The following SLC12A5 variants were observed in gnomAD, a reference collection of about 807,000 sequenced individuals.
SLC12A5 encodes the protein solute carrier family 12 member 5.
SLC12A5 carries 18 observed loss-of-function variants against 124.0 expected under a neutral mutation model. The ratio of observed to expected loss-of-function variants is 0.15; its 90% CI spans 0.10 to 0.22. The LOEUF is 0.22. SLC12A5 is among the 10% of genes least tolerant of loss of function. The pLI is 1.00. For missense variants in SLC12A5, 867 were observed against 1,478.7 expected, an observed-to-expected ratio of 0.59 and a Z score of 6.78; for synonymous variants, 589 against 568.0, an observed-to-expected ratio of 1.04 and a Z score of -0.53.
chr20:46,041,320 T>A lies in SLC12A5; in HGVS notation c.855-9T>A, dbSNP rs2145488945. 6.2e-7 allele frequency: 1 copy of A among 1,613,620 alleles called. No homozygotes were observed. Among genetic ancestry groups the A allele is most frequent in the Non-Finnish European group, 8.5e-7 (1 of 1,179,762 alleles). The stretch of plus-strand genomic sequence containing the variant: ...GCTCCCCACCTTCCTCCCTTGTTTC[T>A]CTCCCTAGGATCTGCCTCCTGGGTA... On this transcript the variant is annotated splice_polypyrimidine_tract_variant and intron_variant, in intron 7 of 25. Coordinates refer to ENST00000243964, the MANE Select transcript of SLC12A5 (RefSeq NM_020708.5).
At position 46,060,132 on chromosome 20, in the gene SLC12A5, ATAAT is replaced by A. The variant is rs1172859957; in HGVS notation, c.*2529_*2532del. On this transcript the variant is annotated 3_prime_UTR_variant, in exon 26 of 26. Coordinates refer to ENST00000243964, the MANE Select transcript of SLC12A5 (RefSeq NM_020708.5). Reference sequence around the variant, plus strand: ...CCCGTCTGCACAAAATGCAATAAAAATAATTTTATTATACCCTTCATGGCCTGAG... The same window carrying A: ...CCCGTCTGCACAAAATGCAATAAAAATTTATTATACCCTTCATGGCCTGAG... 1 of 152,772 alleles carries A rather than the reference ATAAT, an allele frequency of 6.5e-6. No homozygotes were observed. Among genetic ancestry groups the A allele is most frequent in the Admixed American group, 6.5e-5 (1 of 15,290 alleles). The allele number at this position is 152,772 out of a possible 1,614,324, so 9.5% of individuals were successfully genotyped here. A position where few individuals can be genotyped will look rare whatever the true frequency, so the allele number is the denominator to read the frequency against.
At chr20:46,032,665 G>A (rs1194810088) in intron 1 of SLC12A5, among the ~76,000 whole-genome samples, 3 of 152,158 alleles carry the variant, frequency 2.0e-5, no homozygotes, top group South Asian at 2.1e-4. Context: ...TGAAAGTGAC[G>A]ACACAGCCAG....
At chr20:46,036,712 C>T (rs761257819) in intron 4 of SLC12A5, 29 bp from the exon 5 acceptor site, 37 of 1,613,118 alleles carry the variant, frequency 2.3e-5, no homozygotes, top group Non-Finnish European at 3.1e-5. Flanking sequence ...CTACCCCAGC[C>T]ACCGCTCTGA....
At position 46,044,574 on chromosome 20, in the gene SLC12A5, C is replaced by T. The variant is rs554346775; in HGVS notation, c.1395-392C>T. On this transcript the variant is annotated intron_variant, in intron 11 of 25. Coordinates refer to ENST00000243964, the MANE Select transcript of SLC12A5 (RefSeq NM_020708.5). Reference sequence around the variant, plus strand: ...CCAGGGTGGAGGGGAGAAATGTGTGCGCATGCCTGCAGCTGTGAGTGCTCA... The same window carrying T: ...CCAGGGTGGAGGGGAGAAATGTGTGTGCATGCCTGCAGCTGTGAGTGCTCA... Among the ~76,000 whole-genome samples, 52 of 152,242 alleles carry T rather than the reference C, an allele frequency of 3.4e-4. No individual in the cohort carries two copies. In the South Asian group the frequency reaches 5.4e-3, roughly 16 times the overall value.
At position 46,047,963 on chromosome 20, in the gene SLC12A5, C is replaced by T. The variant is rs2084611150; in HGVS notation, c.1908-18C>T. ...TCCTGGCTTTCTGCTCTCATGTGAT[C>T]CACTTCCCGGCTCCCAGGGCAGAGA... On this transcript the variant is annotated intron_variant, in intron 15 of 25. Coordinates refer to ENST00000243964, the MANE Select transcript of SLC12A5 (RefSeq NM_020708.5). 6.3e-7 allele frequency: 1 copy of T among 1,594,392 alleles called. No homozygotes were observed.
At position 46,053,162 on chromosome 20, in the gene SLC12A5, G is replaced by A; in HGVS notation, c.2547+36G>A. 1 of 1,589,532 alleles carries A rather than the reference G, an allele frequency of 6.3e-7. No individual in the cohort carries two copies. Among genetic ancestry groups the A allele is most frequent in the Non-Finnish European group, 8.6e-7 (1 of 1,160,386 alleles). On this transcript the variant is annotated intron_variant, in intron 19 of 25. Coordinates refer to ENST00000243964, the MANE Select transcript of SLC12A5 (RefSeq NM_020708.5). The surrounding 1 kb of genome is among the most constrained non-coding windows in gnomAD (Gnocchi z 4.7). ...TGCGTGAGTGTATGCACGTGTGAGT[G>A]TGTGTATGCATGTATGCATTTGTGT...
intron 2 of SLC12A5, 133 bp from the exon 3 acceptor site, chr20:46,035,271 C>A: frequency 8.2e-7 from 1 of 1,214,362 alleles, no homozygotes; most frequent in Non-Finnish European, 1.2e-6. Context: ...TCACCTGTTC[C>A]TCCTCCTTTC....
chr20:46,046,899 G>C (rs1388312672), intron 14 of SLC12A5, among the ~76,000 whole-genome samples: 1 of 152,248 alleles, frequency 6.6e-6, no homozygotes, highest in Non-Finnish European at 1.5e-5. Context: ...AGAGGCTGTA[G>C]TTCTCTCATC....
intron 1 of SLC12A5, among the ~76,000 whole-genome samples, chr20:46,030,935 G>A (rs991550640): frequency 2.6e-5 from 4 of 151,646 alleles, no homozygotes; most frequent in Non-Finnish European, 5.9e-5. Context: ...TCCAGCATCC[G>A]CCCCCTCCCC....
Position 46,057,164 on chromosome 20 carries a change from C to A in SLC12A5, c.3126-6C>A, listed in dbSNP as rs372120376. The A allele has an allele frequency of 3.9e-5, 63 of 1,613,876 alleles. 1 individual carries two copies. Among genetic ancestry groups the A allele is most frequent in the Non-Finnish European group, 4.7e-5 (56 of 1,179,920 alleles). The stretch of plus-strand genomic sequence containing the variant: ...ACGCGGTCTCCACTCCTCCTTCCTG[C>A]CGCAGGAACCAGTCCAACGTGCGGC... On this transcript the variant is annotated splice_region_variant and splice_polypyrimidine_tract_variant and intron_variant, in intron 24 of 25. Coordinates refer to ENST00000243964, the MANE Select transcript of SLC12A5 (RefSeq NM_020708.5). The surrounding 1 kb of genome is among the most constrained non-coding windows in gnomAD (Gnocchi z 7.1).
chr20:46,041,097 A>G, intron 7 of SLC12A5: 1 of 483,340 alleles, frequency 2.1e-6, no homozygotes, highest in Non-Finnish European at 3.7e-6. Context: ...GTGCTGAAAC[A>G]CAGCATTGCA....
chr20:46,041,630 A>C (rs1195454222), intron 8 of SLC12A5, 90 bp downstream of exon 8: 1 of 1,369,598 alleles, frequency 7.3e-7, no homozygotes, highest in Non-Finnish European at 1.0e-6. Flanking sequence ...CTTGGGATTC[A>C]GCTAAATTCA....
At chr20:46,041,811 A>C (rs933837143) in intron 8 of SLC12A5, among the ~76,000 whole-genome samples, 1 of 152,228 alleles carries the variant, frequency 6.6e-6, no homozygotes, top group African/African-American at 2.4e-5. Context: ...AGTGCTAGGA[A>C]CACAAAATAA....
At chr20:46,040,744 T>A in intron 7 of SLC12A5, 130 bp downstream of exon 7, 1 of 1,393,792 alleles carries the variant, frequency 7.2e-7, no homozygotes, top group African/African-American at 1.5e-5. Context: ...GTAGCTTCCC[T>A]TGGGAGGGAA....
At chr20:46,043,849 G>A (rs1368615364) in intron 10 of SLC12A5, 27 bp from the exon 11 acceptor site, 1 of 1,613,886 alleles carries the variant, frequency 6.2e-7, no homozygotes, top group Admixed American at 1.7e-5. Context: ...CTGAACCGTG[G>A]GGATTCTCCT....
Position 46,044,989 on chromosome 20 carries a change from A to G in SLC12A5, c.1418A>G (p.Asn473Ser). Residue 473 changes from asparagine to serine, a missense_variant, in exon 12 of 26, where the codon AAC becomes AGC. Asn to Ser is a conservative substitution (Grantham distance 46). Coordinates refer to ENST00000243964, the MANE Select transcript of SLC12A5 (RefSeq NM_020708.5). Reference sequence around the variant, plus strand: ...AGGTTTGGCGAAGCTGTGAATGGCAACCTCGTGGTGGGCACTCTGGCCTGG... The same window carrying G: ...AGGTTTGGCGAAGCTGTGAATGGCAGCCTCGTGGTGGGCACTCTGGCCTGG... ...RDKFGEAVNG[N>S]LVVGTLAWPS... 1 of 1,614,006 alleles carries G rather than the reference A, an allele frequency of 6.2e-7. No homozygotes were observed. The highest frequency in any genetic ancestry group is 8.5e-7 in the Non-Finnish European group (1 of 1,179,972).
Position 46,056,129 on chromosome 20 carries a change from C to T in SLC12A5, c.2788-21C>T, listed in dbSNP as rs762053737. On this transcript the variant is annotated intron_variant, in intron 21 of 25. Coordinates refer to ENST00000243964, the MANE Select transcript of SLC12A5 (RefSeq NM_020708.5). This position sits in a 1 kb window ranked among gnomAD's most constrained non-coding sequence, Gnocchi z 4.3. Reference sequence around the variant, plus strand: ...GTGGTGACTCCCAGCAGAGCTGGCACCAACCTATGTCACTCCCTAGATCCA... The same window carrying T: ...GTGGTGACTCCCAGCAGAGCTGGCATCAACCTATGTCACTCCCTAGATCCA... The T allele has an allele frequency of 6.2e-7, 1 of 1,613,342 alleles. No individual in the cohort carries two copies. The highest frequency in any genetic ancestry group is 1.7e-5 in the Admixed American group (1 of 59,954).
In SLC12A5 at chr20:46,057,749, C is replaced by T; in HGVS notation, c.*144C>T. On this transcript the variant is annotated 3_prime_UTR_variant, in exon 26 of 26. Transcript: ENST00000243964. This position sits in a 1 kb window ranked among gnomAD's most constrained non-coding sequence, Gnocchi z 7.1. ...TACCCCGCTGCCTGAAGCCCGGAGG[C>T]CACGCCTGTTGGGGCTGATTCGGAG... 4.6e-6 allele frequency: 3 copies of T among 652,808 alleles called. No individual in the cohort carries two copies. In the South Asian group the frequency reaches 6.2e-5, roughly 13 times the overall value. 40.4% of individuals were successfully genotyped at this position (652,808 alleles called of 1,614,324 possible). A position where few individuals can be genotyped will look rare whatever the true frequency, so the allele number is the denominator to read the frequency against.
At chr20:46,029,078 C>T (rs1266100825), upstream of SLC12A5, 1 of 1,281,442 alleles carries the variant, frequency 7.8e-7, no homozygotes, top group Non-Finnish European at 1.0e-6. Context: ...CTCCCTCCCG[C>T]TCTCCCCCCA....
Sources: gnomAD v4.1 joint callset for allele counts (sites outside exome capture counted in the v4.1 genomes callset) on GRCh38, gnomAD v4.1.1 for gene constraint, Gnocchi (gnomAD v3.1) non-coding constraint, MANE v1.5 for transcripts, NCBI Gene and HGNC (gene_info 2026-07-23, HGNC 2026-07-21) for gene names.